The following ESRRB variants were observed in gnomAD, a reference collection of about 807,000 sequenced individuals.
ESRRB encodes steroid hormone receptor ERR2.
In ESRRB, 16 loss-of-function variants were observed where a neutral mutation model predicts 46.0. That is an observed-to-expected ratio of 0.35 (90% CI 0.24 to 0.53). ESRRB has a LOEUF of 0.53. Ranked by LOEUF, ESRRB falls within the 20% of genes least tolerant of loss-of-function variation. The pLI is 0.93. For synonymous variants in ESRRB, 246 were observed against 259.6 expected, an observed-to-expected ratio of 0.95 and a Z score of 0.50; for missense variants, 488 against 607.4, an observed-to-expected ratio of 0.80 and a Z score of 2.07.
intron 1 of ESRRB, among the ~76,000 whole-genome samples, chr14:76,416,721 G>A (rs190328934): frequency 6.5e-4 from 98 of 150,200 alleles, no homozygotes; most frequent in African/African-American, 2.2e-3. Context: ...CACCCGCCTC[G>A]GCCTCCCAAA....
intron 3 of ESRRB, among the ~76,000 whole-genome samples, chr14:76,478,584 G>A (rs1889675211): frequency 1.3e-5 from 2 of 152,004 alleles, no homozygotes; most frequent in South Asian, 2.1e-4. Context: ...GACTCAAGGA[G>A]AGTATATGTT....
intron 3 of ESRRB, among the ~76,000 whole-genome samples, chr14:76,471,761 T>C (rs768361284): frequency 1.3e-5 from 2 of 152,188 alleles, no homozygotes; most frequent in African/African-American, 4.8e-5. Context: ...CATTATCTTA[T>C]TTATTTATTT....
chr14:76,454,472 G>C (rs1242105174), intron 2 of ESRRB, among the ~76,000 whole-genome samples: 1 of 152,128 alleles, frequency 6.6e-6, no homozygotes, highest in Non-Finnish European at 1.5e-5. Context: ...AGCCTATCTG[G>C]GGCAGAAGGG....
chr14:76,445,217 C>A (rs939368232), intron 2 of ESRRB, among the ~76,000 whole-genome samples: 1 of 147,146 alleles, frequency 6.8e-6, no homozygotes, highest in Non-Finnish European at 1.5e-5. Context: ...CACCTGTAAT[C>A]CCAGCACTTT....
intron 1 of ESRRB, among the ~76,000 whole-genome samples, chr14:76,333,218 T>A (rs1228423827): frequency 3.3e-5 from 1 of 30,132 alleles, no homozygotes; most frequent in Non-Finnish European, 5.3e-5. Flanking sequence ...TATGATATAT[T>A]TATATATTAT....
chr14:76,471,789 C>T (rs149396398), intron 3 of ESRRB, among the ~76,000 whole-genome samples: 12 of 152,240 alleles, frequency 7.9e-5, no homozygotes, highest in African/African-American at 2.9e-4. Flanking sequence ...GACGTGTTTG[C>T]ACTGGCTGCC....
intron 1 of ESRRB, among the ~76,000 whole-genome samples, chr14:76,394,244 T>C (rs1384614055): frequency 2.1e-5 from 3 of 141,770 alleles, no homozygotes; most frequent in Non-Finnish European, 4.7e-5. Context: ...TTTTCCCCCA[T>C]CCTTCTTTCT....
At chr14:76,410,194 A>C (rs888704247) in intron 1 of ESRRB, among the ~76,000 whole-genome samples, 3 of 152,242 alleles carry the variant, frequency 2.0e-5, no homozygotes, top group African/African-American at 2.4e-5. Context: ...ACTGCACTCC[A>C]GCCTGGGCGA....
chr14:76,439,516 G>T lies in ESRRB; in HGVS notation c.226G>T (p.Gly76Cys), dbSNP rs373173218. The change falls in exon 2 of 7, where the codon GGT becomes TGT. Residue 76 changes from glycine (G) to cysteine (C), a missense_variant. Coordinates refer to ENST00000644823, the MANE Select transcript of ESRRB (RefSeq NM_001379180.1). Reference protein sequence around the residue: ...FGLALGTHANGLDSPPMFAGA... With the variant: ...FGLALGTHANCLDSPPMFAGA... ...CCTGGCCCTGGGCACCCACGCCAAC[G>T]GTCTGGACTCGCCACCCATGTTTGC... The T allele has an allele frequency of 4.3e-5, 69 of 1,613,176 alleles. No individual in the cohort carries two copies. Among genetic ancestry groups the T allele is most frequent in the Non-Finnish European group, 5.7e-5 (67 of 1,179,958 alleles).
At chr14:76,407,811 C>A (rs984883307) in intron 1 of ESRRB, among the ~76,000 whole-genome samples, 6 of 152,230 alleles carry the variant, frequency 3.9e-5, no homozygotes, top group Admixed American at 2.0e-4. Flanking sequence ...GCCAGTGAGA[C>A]CCACGTGGAG....
At chr14:76,417,176 C>T (rs780246938) in intron 1 of ESRRB, among the ~76,000 whole-genome samples, 4 of 152,032 alleles carry the variant, frequency 2.6e-5, no homozygotes, top group Admixed American at 1.3e-4. Context: ...TGTAGAGTAT[C>T]GATAGGGGTC....
In ESRRB at chr14:76,498,635, GGGGACGGGGATGGGGGGGCAGGGGTGT is replaced by G; in HGVS notation, c.*181_*207del. 7.6e-7 allele frequency: 1 copy of G among 1,317,964 alleles called. No homozygotes were observed. Among genetic ancestry groups the G allele is most frequent in the Non-Finnish European group, 1.0e-6 (1 of 976,216 alleles). The allele number at this position is 1,317,964 out of a possible 1,614,324, so 81.6% of individuals were successfully genotyped here. A position where few individuals can be genotyped will look rare whatever the true frequency, so the allele number is the denominator to read the frequency against. ...GCAGACTCCCGGGTGCAGTGGGGTG[GGGGACGGGGATGGGGGGGCAGGGGTGT>G]GGGGCTCGACTGTAACTGGCTTTTT... On this transcript the variant is annotated 3_prime_UTR_variant, in exon 7 of 7. Transcript: ENST00000644823.
chr14:76,376,813 A>G lies in ESRRB; in HGVS notation c.50+362A>G, dbSNP rs895166422. ...GCAGAAGCCCAGAACAGGTGCAGGG[A>G]TGTGGTTGCAAGGATGTCCTGTCCC... On this transcript the variant is annotated intron_variant, in intron 1 of 6. Coordinates refer to ENST00000644823, the MANE Select transcript of ESRRB (RefSeq NM_001379180.1). This position sits in a 1 kb window ranked among gnomAD's most constrained non-coding sequence, Gnocchi z 4.1. Among the ~76,000 whole-genome samples, 3 of 152,180 alleles carry G rather than the reference A, an allele frequency of 2.0e-5. No homozygotes were observed. Among genetic ancestry groups the G allele is most frequent in the African/African-American group, 4.8e-5 (2 of 41,462 alleles).
At chr14:76,498,161 AC>A in intron 6 of ESRRB, 52 bp from the exon 7 acceptor site, 12 of 1,611,080 alleles carry the variant, frequency 7.4e-6, no homozygotes, top group Non-Finnish European at 1.0e-5. Context: ...TGGCCCCCAC[AC>A]CAGGCAGCAC....
chr14:76,395,619 G>C (rs1458749381), intron 1 of ESRRB, among the ~76,000 whole-genome samples: 1 of 152,106 alleles, frequency 6.6e-6, no homozygotes, highest in Non-Finnish European at 1.5e-5. Context: ...TTCTCTTATA[G>C]GGTTGCAGAA....
intron 1 of ESRRB, among the ~76,000 whole-genome samples, chr14:76,428,412 G>C (rs1887292721): frequency 6.6e-6 from 1 of 152,106 alleles, no homozygotes; most frequent in Non-Finnish European, 1.5e-5. Flanking sequence ...CTACTGAAAA[G>C]AAGGATACTA....
chr14:76,393,399 C>T (rs1477911409), intron 1 of ESRRB, among the ~76,000 whole-genome samples: 1 of 152,232 alleles, frequency 6.6e-6, no homozygotes, highest in Non-Finnish European at 1.5e-5. Flanking sequence ...GTGCCAGCTA[C>T]TTTTGCATGG....
At chr14:76,467,157 T>C (rs546535222) in intron 3 of ESRRB, among the ~76,000 whole-genome samples, 1 of 152,166 alleles carries the variant, frequency 6.6e-6, no homozygotes, top group African/African-American at 2.4e-5. Context: ...CAGAATCCAC[T>C]ATGGGATTGC....
intron 2 of ESRRB, among the ~76,000 whole-genome samples, chr14:76,443,039 C>T (rs994461012): frequency 4.0e-4 from 61 of 152,122 alleles, no homozygotes; most frequent in African/African-American, 1.5e-3. Context: ...TGGTCTCAAA[C>T]TCCTGACCTC....
Sources: gnomAD v4.1 joint callset for allele counts (sites outside exome capture counted in the v4.1 genomes callset) on GRCh38, gnomAD v4.1.1 for gene constraint, Gnocchi (gnomAD v3.1) non-coding constraint, MANE v1.5 for transcripts, NCBI Gene and HGNC (gene_info 2026-07-23, HGNC 2026-07-21) for gene names.